The following FTH1 variants were observed in gnomAD, a reference collection of about 807,000 sequenced individuals.
FTH1 encodes the protein ferritin heavy chain.
Under a neutral mutation model 21.8 loss-of-function variants are expected in FTH1, and 3 were observed. That is an observed-to-expected ratio of 0.14 (90% CI 0.06 to 0.36). The LOEUF is 0.36. Among genes scored for constraint, FTH1 ranks in the 10% least tolerant of loss-of-function variants. The pLI is 1.00. For missense variants in FTH1, 147 were observed against 225.8 expected (o/e 0.65, Z 2.24); for synonymous variants, 83 against 90.1 (o/e 0.92, Z 0.45).
chr11:61,964,795 GC>G lies in FTH1; in HGVS notation c.483del (p.Glu163AsnfsTer33). The G allele has an allele frequency of 6.3e-7, 1 of 1,599,982 alleles. No homozygotes were observed. The highest frequency in any genetic ancestry group is 2.2e-5 in the East Asian group (1 of 44,888). On this transcript the variant is annotated frameshift_variant, in exon 4 of 4. Coordinates refer to ENST00000273550, the MANE Select transcript of FTH1 (RefSeq NM_002032.3). LOFTEE classifies it high-confidence loss of function. ...AGATATTCCGCCAAGCCAGATTCGG[GC>G]GCTCCCATCTTGCGCAAGTTGGTCA... ...DHVTNLRKMG[A>X]PESGLAEYLF... is the part of the protein sequence containing the mutation.
intron 1 of FTH1, chr11:61,966,954 G>A (rs1942474217): frequency 6.0e-6 from 1 of 166,662 alleles, no homozygotes; most frequent in Non-Finnish European, 1.3e-5. Context: ...CCAAATGCCG[G>A]AGGCAGAGGA....
rs771879508 is a variant in FTH1 at position 61,967,361 on chromosome 11, T to C, written c.65A>G (p.Asn22Ser). 4 of 1,603,634 alleles carry C rather than the reference T, an allele frequency of 2.5e-6. No individual in the cohort carries two copies. Among genetic ancestry groups the C allele is most frequent in the Non-Finnish European group, 3.4e-6 (4 of 1,174,774 alleles). ...NYHQDSEAAI[N>S]RQINLELYAS... is the part of the protein sequence containing the mutation. ...GTAGAGCTCCAGGTTGATCTGGCGG[T>C]TGATGGCGGCCTCTGAGTCCTGGTG... The change falls in exon 1 of 4, where the codon AAC becomes AGC. Residue 22 changes from asparagine to serine, a missense_variant. Asn to Ser is a conservative substitution (Grantham distance 46). Coordinates refer to ENST00000273550, the MANE Select transcript of FTH1 (RefSeq NM_002032.3).
At chr11:61,967,277 G>C in intron 1 of FTH1, 35 bp downstream of exon 1, 1 of 1,414,358 alleles carries the variant, frequency 7.1e-7, no homozygotes, top group Non-Finnish European at 9.6e-7. Flanking sequence ...AACCGCGCCC[G>C]GCCCCCGCCA....
In FTH1 at chr11:61,964,370, A is replaced by T; in HGVS notation, c.*357T>A. ...CATTTAACTCAGACTCTGGATTCAGAGTCGGGAACCCTTAGTTCTATCTGA... is the reference window on the plus strand; with the variant it reads ...CATTTAACTCAGACTCTGGATTCAGTGTCGGGAACCCTTAGTTCTATCTGA... On this transcript the variant is annotated 3_prime_UTR_variant, in exon 4 of 4. Coordinates refer to ENST00000273550, the MANE Select transcript of FTH1 (RefSeq NM_002032.3). 2 of 759,134 alleles carry T rather than the reference A, an allele frequency of 2.6e-6. No individual in the cohort carries two copies. The highest frequency in any genetic ancestry group is 4.1e-6 in the Non-Finnish European group (2 of 482,926). 47.0% of individuals were successfully genotyped at this position (759,134 alleles called of 1,614,324 possible).
Position 61,964,326 on chromosome 11 carries a change from T to TA in FTH1, c.*400dup. On this transcript the variant is annotated 3_prime_UTR_variant, in exon 4 of 4. Coordinates refer to ENST00000273550, the MANE Select transcript of FTH1 (RefSeq NM_002032.3). Reference sequence around the variant, plus strand: ...TTTTATTCATAAAAACTGTGAAAGCTAGACTGAACCATTGGAAACATTTAA... The same window carrying TA: ...TTTTATTCATAAAAACTGTGAAAGCTAAGACTGAACCATTGGAAACATTTAA... 9.9e-7 allele frequency: 1 copy of TA among 1,005,256 alleles called. No homozygotes were observed. Among genetic ancestry groups the TA allele is most frequent in the South Asian group, 1.7e-5 (1 of 60,340 alleles). 62.3% of individuals were successfully genotyped at this position (1,005,256 alleles called of 1,614,324 possible).
chr11:61,967,622 A>G lies in FTH1; in HGVS notation c.-197T>C, dbSNP rs1289092347. ...CAGGAAACCCCGACGACTCTCGGCG[A>G]AGAACGTCTGGCCCTGCGGGTCGCT... On this transcript the variant is annotated 5_prime_UTR_variant, in exon 1 of 4. Transcript: ENST00000273550. 4.1e-5 allele frequency: 27 copies of G among 660,074 alleles called. No homozygotes were observed. The highest frequency in any genetic ancestry group is 6.4e-5 in the Non-Finnish European group (23 of 359,258). The allele number at this position is 660,074 out of a possible 1,614,324, so 40.9% of individuals were successfully genotyped here. A position where few individuals can be genotyped will look rare whatever the true frequency, so the allele number is the denominator to read the frequency against.
At chr11:61,965,262 G>A (rs563123132) in intron 2 of FTH1, 107 bp downstream of exon 2, 100 of 1,592,364 alleles carry the variant, frequency 6.3e-5, no homozygotes, top group Admixed American at 1.2e-4. Flanking sequence ...AAAGGCAAAA[G>A]CCCAGTGTAT....
At position 61,964,434 on chromosome 11, in the gene FTH1, A is replaced by T. The variant is rs1011603474; in HGVS notation, c.*293T>A. The T allele has an allele frequency of 4.9e-6, 3 of 614,702 alleles. No homozygotes were observed. The highest frequency in any genetic ancestry group is 2.8e-6 in the Non-Finnish European group (1 of 354,438). The allele number at this position is 614,702 out of a possible 1,614,324, so 38.1% of individuals were successfully genotyped here. ...ACACCTTAGTATACTGCCCAAACTA[A>T]TGAGTTTAATAAATACAAATACTCG... On this transcript the variant is annotated 3_prime_UTR_variant, in exon 4 of 4. Transcript: ENST00000273550.
intron 1 of FTH1, among the ~76,000 whole-genome samples, chr11:61,966,274 TCA>T (rs1045159825): frequency 6.6e-6 from 1 of 151,852 alleles, no homozygotes; most frequent in South Asian, 2.1e-4. Flanking sequence ...ACTCTGTCTC[TCA>T]CACACACACA....
At position 61,967,390 on chromosome 11, in the gene FTH1, G is replaced by A. The variant is rs758594792; in HGVS notation, c.36C>T (p.Asn12=). Residue 12 remains asparagine (N), a synonymous_variant, in exon 1 of 4, where the codon AAC becomes AAT. Coordinates refer to ENST00000273550, the MANE Select transcript of FTH1 (RefSeq NM_002032.3). ...TGGCGGCCTCTGAGTCCTGGTGGTA[G>A]TTCTGGCGCACCTGCGAGGTGGACG... The part of the protein sequence containing the change: ...TTASTSQVRQ[N]YHQDSEAAIN... The A allele has an allele frequency of 1.2e-6, 2 of 1,606,232 alleles. No individual in the cohort carries two copies. The highest frequency in any genetic ancestry group is 4.5e-5 in the East Asian group (2 of 44,648).
intron 1 of FTH1, among the ~76,000 whole-genome samples, chr11:61,965,905 C>G (rs1306148819): frequency 6.6e-6 from 1 of 152,142 alleles, no homozygotes; most frequent in East Asian, 1.9e-4. Context: ...CCTCCCTGCT[C>G]CTGTATTAAC....
intron 1 of FTH1, among the ~76,000 whole-genome samples, chr11:61,966,059 G>A (rs1401351048): frequency 2.6e-5 from 4 of 152,286 alleles, no homozygotes; most frequent in East Asian, 1.9e-4. Flanking sequence ...CGGATCACGA[G>A]GTCAGCAGAT....
Position 61,964,398 on chromosome 11 carries a change from C to A in FTH1, c.*329G>T. On this transcript the variant is annotated 3_prime_UTR_variant, in exon 4 of 4. Coordinates refer to ENST00000273550, the MANE Select transcript of FTH1 (RefSeq NM_002032.3). ...CGGGAACCCTTAGTTCTATCTGAAT[C>A]CAAGACAGCCACACCTTAGTATACT... 1 of 645,872 alleles carries A rather than the reference C, an allele frequency of 1.5e-6. No homozygotes were observed. The highest frequency in any genetic ancestry group is 4.3e-4 in the Middle Eastern group (1 of 2,332). The allele number at this position is 645,872 out of a possible 1,614,324, so 40.0% of individuals were successfully genotyped here. A position where few individuals can be genotyped will look rare whatever the true frequency, so the allele number is the denominator to read the frequency against.
intron 1 of FTH1, 178 bp from the exon 2 acceptor site, chr11:61,965,693 A>G (rs1942439592): frequency 1.4e-6 from 1 of 695,976 alleles, no homozygotes; most frequent in Non-Finnish European, 2.6e-6. Context: ...TGAACCCAAG[A>G]GTAATGTTTC....
chr11:61,967,257 G>T, intron 1 of FTH1, 55 bp downstream of exon 1: 1 of 1,176,956 alleles, frequency 8.5e-7, no homozygotes, highest in Non-Finnish European at 1.2e-6. Flanking sequence ...GCCCCAGCGC[G>T]CGCCCCGGGA....
chr11:61,965,411 C>T lies in FTH1; in HGVS notation c.219G>A (p.Leu73=). The change falls in exon 2 of 4, where the codon CTG becomes CTA. Residue 73 remains leucine, a synonymous_variant. Coordinates refer to ENST00000273550, the MANE Select transcript of FTH1 (RefSeq NM_002032.3). Reference sequence around the variant, plus strand: ...AGATTCGGCCACCTCGTTGGTTCTGCAGCTTCATCAGTTTCTCAGCATGTT... The same window carrying T: ...AGATTCGGCCACCTCGTTGGTTCTGTAGCTTCATCAGTTTCTCAGCATGTT... ...EREHAEKLMK[L]QNQRGGRIFL... is the part of the protein sequence containing the mutation. The T allele has an allele frequency of 6.2e-7, 1 of 1,613,606 alleles. No homozygotes were observed. Among genetic ancestry groups the T allele is most frequent in the Non-Finnish European group, 8.5e-7 (1 of 1,180,014 alleles).
chr11:61,965,599 T>TCGGCC (rs762770399), intron 1 of FTH1, 84 bp from the exon 2 acceptor site: 1 of 1,484,150 alleles, frequency 6.7e-7, no homozygotes, highest in African/African-American at 1.4e-5. Context: ...CAAGATGGTC[T>TCGGCC]CGTCAGCCTA....
rs1942406311 is a variant in FTH1 at position 61,964,826 on chromosome 11, G to A, written c.453C>T (p.Asp151=). Residue 151 remains aspartate (D), a synonymous_variant, in exon 4 of 4, where the codon GAC becomes GAT. Coordinates refer to ENST00000273550, the MANE Select transcript of FTH1 (RefSeq NM_002032.3). ...CCATCTTGCGCAAGTTGGTCACGTGGTCACCCAATTCTTTGATGGCTTTCA... is the reference window on the plus strand; with the variant it reads ...CCATCTTGCGCAAGTTGGTCACGTGATCACCCAATTCTTTGATGGCTTTCA... ...EQVKAIKELG[D]HVTNLRKMGA... The A allele has an allele frequency of 1.9e-6, 3 of 1,600,786 alleles. No homozygotes were observed. Among genetic ancestry groups the A allele is most frequent in the South Asian group, 2.2e-5 (2 of 91,090 alleles).
chr11:61,964,721 C>T lies in FTH1; in HGVS notation c.*6G>A, dbSNP rs756900543. On this transcript the variant is annotated 3_prime_UTR_variant, in exon 4 of 4. Transcript: ENST00000273550. ...CCCCACGGCTATGGGGAAATTAGCC[C>T]GAGGCTTAGCTTTCATTATCACTGT... is the stretch of plus-strand genomic sequence containing the variant. The T allele has an allele frequency of 7.5e-6, 12 of 1,597,940 alleles. No individual in the cohort carries two copies. The highest frequency in any genetic ancestry group is 1.0e-5 in the Non-Finnish European group (12 of 1,179,878).
Sources: allele counts gnomAD v4.1 joint callset (sites outside exome capture counted in the v4.1 genomes callset), GRCh38; gene constraint gnomAD v4.1.1; transcripts MANE v1.5; gene names NCBI Gene and HGNC (gene_info 2026-07-23, HGNC 2026-07-21).